N4BP1: variants seen among roughly 807,000 people sequenced by gnomAD.
N4BP1 encodes the protein NEDD4 binding protein 1.
In N4BP1, 21 loss-of-function variants were observed where a neutral mutation model predicts 70.9. That is an observed-to-expected ratio of 0.30 (90% CI 0.21 to 0.43). The LOEUF (loss-of-function observed/expected upper bound fraction) is 0.43. Among genes scored for constraint, N4BP1 ranks in the 20% least tolerant of loss-of-function variants. The pLI is 1.00. For missense variants in N4BP1, 936 were observed against 1,069.4 expected (o/e 0.88, Z 1.74); for synonymous variants, 387 against 394.6 (o/e 0.98, Z 0.23).
At chr16:48,549,954 AATAAACAGCT>A (rs1346713424) in intron 4 of N4BP1, among the ~76,000 whole-genome samples, 1 of 152,196 alleles carries the variant, frequency 6.6e-6, no homozygotes, top group African/African-American at 2.4e-5. Context: ...GGGAGAAAAG[AATAAACAGCT>A]ACCACTAGGC....
At chr16:48,586,393 A>G (rs1177712800) in intron 1 of N4BP1, among the ~76,000 whole-genome samples, 1 of 152,216 alleles carries the variant, frequency 6.6e-6, no homozygotes, top group African/African-American at 2.4e-5. Context: ...ACCCAGCAAA[A>G]CACTTTCTTA....
At position 48,547,990 on chromosome 16, in the gene N4BP1, A is replaced by G; in HGVS notation, c.2225+17T>C. 9 of 1,463,350 alleles carry G rather than the reference A, an allele frequency of 6.2e-6. No homozygotes were observed. The highest frequency in any genetic ancestry group is 8.6e-6 in the Non-Finnish European group (9 of 1,050,662). The allele number at this position is 1,463,350 out of a possible 1,614,324, so 90.6% of individuals were successfully genotyped here. A position where few individuals can be genotyped will look rare whatever the true frequency, so the allele number is the denominator to read the frequency against. On this transcript the variant is annotated intron_variant, in intron 5 of 6. Coordinates refer to ENST00000262384, the MANE Select transcript of N4BP1 (RefSeq NM_153029.4). ...AAACAAAACTTTTCTGACCAAAGAC[A>G]AAGAAGAAAATATTACCTTTTTGTA...
At chr16:48,571,626 G>C (rs1023334182) in intron 1 of N4BP1, among the ~76,000 whole-genome samples, 1 of 152,038 alleles carries the variant, frequency 6.6e-6, no homozygotes, top group Non-Finnish European at 1.5e-5. Flanking sequence ...GATGCTAAAA[G>C]AAGGGAAAGG....
chr16:48,599,578 C>A (rs1270367193), intron 1 of N4BP1, among the ~76,000 whole-genome samples: 1 of 152,232 alleles, frequency 6.6e-6, no homozygotes, highest in Non-Finnish European at 1.5e-5. Flanking sequence ...TCCAATCCAG[C>A]TGGTTCCCTC....
intron 2 of N4BP1, among the ~76,000 whole-genome samples, chr16:48,559,007 T>C (rs1963803232): frequency 6.6e-6 from 1 of 152,182 alleles, no homozygotes. Context: ...GAAGAATCCT[T>C]ATATTTTAAA....
At chr16:48,572,962 A>G (rs1169712425) in intron 1 of N4BP1, among the ~76,000 whole-genome samples, 1 of 151,586 alleles carries the variant, frequency 6.6e-6, no homozygotes, top group East Asian at 2.0e-4. Context: ...AAGTTAAAAA[A>G]TTAGCCGAGC....
intron 1 of N4BP1, among the ~76,000 whole-genome samples, chr16:48,563,471 G>C (rs1049819703): frequency 1.3e-5 from 2 of 151,404 alleles, no homozygotes; most frequent in African/African-American, 4.9e-5. Context: ...GGAATGGCGC[G>C]ATCTCCCAGG....
At chr16:48,545,977 G>A (rs1244623433) in intron 6 of N4BP1, 170 bp downstream of exon 6, 6 of 478,300 alleles carry the variant, frequency 1.3e-5, no homozygotes, top group Admixed American at 4.0e-5. Flanking sequence ...GCAGTGAGCC[G>A]AAATCACGCC....
In N4BP1 at chr16:48,545,535, G is replaced by A. The variant is rs139544815; in HGVS notation, c.2333+612C>T. Among the ~76,000 whole-genome samples the A allele has an allele frequency of 8.8e-3, 1,333 of 151,096 alleles. 21 individuals are homozygous for A. Among genetic ancestry groups the A allele is most frequent in the African/African-American group, 0.031 (1,262 of 41,238 alleles). On this transcript the variant is annotated intron_variant, in intron 6 of 6. Transcript: ENST00000262384. Reference sequence around the variant, plus strand: ...GGAGGTTGCAGTGAGCCAAGATCGCGCCATTGTACTCCAACCTGGGCAACA... The same window carrying A: ...GGAGGTTGCAGTGAGCCAAGATCGCACCATTGTACTCCAACCTGGGCAACA...
At chr16:48,594,392 T>C (rs1350526051) in intron 1 of N4BP1, among the ~76,000 whole-genome samples, 1 of 152,220 alleles carries the variant, frequency 6.6e-6, no homozygotes, top group Non-Finnish European at 1.5e-5. Context: ...TCTTGCTCTG[T>C]TGCCCAGGCT....
At position 48,610,141 on chromosome 16, in the gene N4BP1, G is replaced by T. The variant is rs1350131625; in HGVS notation, c.-169C>A. The T allele has an allele frequency of 5.3e-6, 1 of 189,842 alleles. No homozygotes were observed. The highest frequency in any genetic ancestry group is 1.6e-4 in the South Asian group (1 of 6,130). The allele number at this position is 189,842 out of a possible 1,614,324, so 11.8% of individuals were successfully genotyped here. A position where few individuals can be genotyped will look rare whatever the true frequency, so the allele number is the denominator to read the frequency against. ...AGGCCCGGCTATACCATCCCGCCAC[G>T]ACCGCAGCAGCTTGGCAATTGCTGG... On this transcript the variant is annotated 5_prime_UTR_variant, in exon 1 of 7. Coordinates refer to ENST00000262384, the MANE Select transcript of N4BP1 (RefSeq NM_153029.4).
At chr16:48,562,909 T>C (rs1963881936) in intron 1 of N4BP1, among the ~76,000 whole-genome samples, 1 of 152,110 alleles carries the variant, frequency 6.6e-6, no homozygotes, top group Non-Finnish European at 1.5e-5. Flanking sequence ...CTTGAAGGTA[T>C]AAAAGAATAA....
chr16:48,548,602 T>G (rs530437052), intron 4 of N4BP1, among the ~76,000 whole-genome samples: 1 of 152,158 alleles, frequency 6.6e-6, no homozygotes, highest in Admixed American at 6.5e-5. Context: ...ATCCCAACAC[T>G]TTGGGAGGTT....
chr16:48,575,805 C>T (rs982919307), intron 1 of N4BP1, among the ~76,000 whole-genome samples: 3 of 152,160 alleles, frequency 2.0e-5, no homozygotes, highest in East Asian at 1.9e-4. Context: ...GCAGACACAA[C>T]GGTTAAAAAC....
chr16:48,556,960 C>T (rs749695172), intron 2 of N4BP1, among the ~76,000 whole-genome samples: 10 of 152,192 alleles, frequency 6.6e-5, no homozygotes, highest in Non-Finnish European at 1.3e-4. Flanking sequence ...CCAAATGTTT[C>T]TTGGCCACTA....
intron 1 of N4BP1, among the ~76,000 whole-genome samples, chr16:48,572,528 T>C (rs1361791783): frequency 2.0e-5 from 3 of 152,136 alleles, no homozygotes; most frequent in Non-Finnish European, 2.9e-5. Context: ...GCATACAATA[T>C]AGAATAAAGA....
chr16:48,591,017 TTCTG>T (rs1215599117), intron 1 of N4BP1, among the ~76,000 whole-genome samples: 2 of 152,214 alleles, frequency 1.3e-5, no homozygotes, highest in East Asian at 1.9e-4. Flanking sequence ...TTGGAAGCTC[TTCTG>T]TCTGTCTTGT....
chr16:48,547,073 C>T (rs1963600810), intron 5 of N4BP1, among the ~76,000 whole-genome samples: 2 of 152,256 alleles, frequency 1.3e-5, no homozygotes, highest in Non-Finnish European at 2.9e-5. Context: ...AATTAACTCT[C>T]ACCTGGGCAT....
At chr16:48,546,451 TAGTC>T (rs1439995574) in intron 5 of N4BP1, 197 bp from the exon 6 acceptor site, 15 of 392,994 alleles carry the variant, frequency 3.8e-5, no homozygotes, top group East Asian at 2.6e-4. Flanking sequence ...ACAAAAACAA[TAGTC>T]AGAACGTTTT....
Sources: gnomAD v4.1 joint callset for allele counts (sites outside exome capture counted in the v4.1 genomes callset) on GRCh38, gnomAD v4.1.1 for gene constraint, MANE v1.5 for transcripts, NCBI Gene and HGNC (gene_info 2026-07-23, HGNC 2026-07-21) for gene names.